The following CBR4 variants were observed in gnomAD, a reference collection of about 807,000 sequenced individuals.
CBR4 encodes 3-oxoacyl-[acyl-carrier-protein] reductase.
In CBR4, 22 loss-of-function variants were observed where a neutral mutation model predicts 21.0. The ratio of observed to expected loss-of-function variants is 1.05; its 90% CI spans 0.75 to 1.50. The LOEUF is 1.50. Ranked by LOEUF, CBR4 falls within the 40% of genes most tolerant of loss-of-function variation. The pLI is 0.00. For missense variants in CBR4, 302 were observed against 286.3 expected (o/e 1.05, Z -0.40); for synonymous variants, 100 against 104.4 (o/e 0.96, Z 0.26).
At chr4:168,940,211 T>C (rs773263115) in intron 2 of CBR4, among the ~76,000 whole-genome samples, 2 of 152,196 alleles carry the variant, frequency 1.3e-5, no homozygotes, top group African/African-American at 4.8e-5. Flanking sequence ...ATTTAATACA[T>C]GCTGCTGGGA....
intron 2 of CBR4, among the ~76,000 whole-genome samples, chr4:168,971,523 A>G (rs1053763717): frequency 6.8e-6 from 1 of 147,900 alleles, no homozygotes; most frequent in Non-Finnish European, 1.5e-5. Context: ...ACCTCAAGCG[A>G]TCCACCAGCC....
chr4:169,006,269 T>G (rs780265026), intron 3 of CBR4, among the ~76,000 whole-genome samples: 1 of 152,116 alleles, frequency 6.6e-6, no homozygotes, highest in Non-Finnish European at 1.5e-5. Context: ...ATCCCAGCAC[T>G]TCGGGAGGAT....
intron 2 of CBR4, among the ~76,000 whole-genome samples, chr4:168,970,571 T>C (rs912213518): frequency 2.6e-5 from 4 of 152,210 alleles, no homozygotes; most frequent in South Asian, 2.1e-4. Context: ...TTCTGAGATT[T>C]TGATGTATCC....
At chr4:168,997,953 CTA>C (rs1264477354) in intron 4 of CBR4, among the ~76,000 whole-genome samples, 3 of 152,134 alleles carry the variant, frequency 2.0e-5, no homozygotes, top group Non-Finnish European at 4.4e-5. Context: ...GAACAAATTT[CTA>C]TGTCTTAATA....
At chr4:168,976,726 G>A (rs1015217712) in intron 2 of CBR4, among the ~76,000 whole-genome samples, 24 of 152,210 alleles carry the variant, frequency 1.6e-4, no homozygotes, top group Non-Finnish European at 2.8e-4. Flanking sequence ...GGGGAATATC[G>A]CAAAGTATAT....
intron 2 of CBR4, among the ~76,000 whole-genome samples, chr4:168,901,261 G>A (rs1396124038): frequency 1.3e-5 from 2 of 152,002 alleles, no homozygotes; most frequent in East Asian, 3.8e-4. Context: ...GTTTTTTTAG[G>A]CTTATGTTTT....
At chr4:168,978,314 G>T (rs1224373191) in intron 2 of CBR4, among the ~76,000 whole-genome samples, 1 of 152,204 alleles carries the variant, frequency 6.6e-6, no homozygotes, top group African/African-American at 2.4e-5. Flanking sequence ...ATATTTGGGG[G>T]AGGGGAGTGG....
intron 2 of CBR4, among the ~76,000 whole-genome samples, chr4:168,959,561 C>CTTTCTT (rs1553990309): frequency 1.6e-4 from 8 of 50,878 alleles, no homozygotes; most frequent in African/African-American, 4.5e-4. Context: ...TTATCAATTT[C>CTTTCTT]TTTTTTTTTT....
In CBR4 at chr4:168,989,090, T is replaced by C; in HGVS notation, c.*1060A>G. On this transcript the variant is annotated 3_prime_UTR_variant, in exon 5 of 5. Coordinates refer to ENST00000306193, the MANE Select transcript of CBR4 (RefSeq NM_032783.5). The stretch of plus-strand genomic sequence containing the variant: ...AGACCAGTGCCTTCACTGCTTCTTG[T>C]AAAGACATTTAATTTAATGTTATTG... 1 of 983,702 alleles carries C rather than the reference T, an allele frequency of 1.0e-6. No individual in the cohort carries two copies. The highest frequency in any genetic ancestry group is 5.3e-4 in the Middle Eastern group (1 of 1,904). 60.9% of individuals were successfully genotyped at this position (983,702 alleles called of 1,614,324 possible). A position where few individuals can be genotyped will look rare whatever the true frequency, so the allele number is the denominator to read the frequency against.
chr4:168,995,454 G>A (rs923029306), intron 4 of CBR4, among the ~76,000 whole-genome samples: 8 of 152,144 alleles, frequency 5.3e-5, no homozygotes, highest in African/African-American at 1.9e-4. Flanking sequence ...GACAGGCAAG[G>A]AGACCTAAGC....
chr4:168,904,182 G>A, intron 2 of CBR4: 2 of 420,852 alleles, frequency 4.8e-6, no homozygotes, highest in Non-Finnish European at 4.4e-6. Context: ...GGGTTGCAGT[G>A]GTAGACTGGA....
chr4:168,929,494 TG>T (rs1247502282), intron 2 of CBR4, among the ~76,000 whole-genome samples: 6 of 152,248 alleles, frequency 3.9e-5, no homozygotes, highest in Non-Finnish European at 8.8e-5. Flanking sequence ...AATTTGTCCT[TG>T]ATTTTCCCTT....
intron 2 of CBR4, among the ~76,000 whole-genome samples, chr4:168,976,643 C>A (rs944169520): frequency 6.6e-6 from 1 of 151,696 alleles, no homozygotes; most frequent in Non-Finnish European, 1.5e-5. Flanking sequence ...TTTTTAAGGG[C>A]GGGGGAAGAT....
At chr4:168,896,208 C>CAAA (rs35567491) in intron 2 of CBR4, among the ~76,000 whole-genome samples, 13 of 132,168 alleles carry the variant, frequency 9.8e-5, no homozygotes, top group East Asian at 2.2e-4. Flanking sequence ...GACTCCATCT[C>CAAA]AAAAAAAAAA....
intron 2 of CBR4, among the ~76,000 whole-genome samples, chr4:168,972,879 G>A (rs1232753473): frequency 6.6e-6 from 1 of 152,112 alleles, no homozygotes; most frequent in Middle Eastern, 3.2e-3. Context: ...TACTTTAAAC[G>A]CTTCCCCATT....
intron 2 of CBR4, chr4:168,904,095 T>C (rs1757117461): frequency 1.6e-6 from 1 of 616,624 alleles, no homozygotes; most frequent in Non-Finnish European, 2.9e-6. Context: ...ACTTATTTAT[T>C]CCATCAGGTG....
At chr4:168,927,017 T>A (rs1203175348) in intron 2 of CBR4, 1 of 219,504 alleles carries the variant, frequency 4.6e-6, no homozygotes, top group Non-Finnish European at 9.2e-6. Flanking sequence ...TTTCTTTATG[T>A]GTAGTGTTTT....
At chr4:168,943,103 A>G (rs964332238) in intron 2 of CBR4, among the ~76,000 whole-genome samples, 1 of 152,226 alleles carries the variant, frequency 6.6e-6, no homozygotes, top group Non-Finnish European at 1.5e-5. Context: ...CGATTAAGCA[A>G]TCCTACCAGT....
At chr4:168,923,044 T>C (rs911810883) in intron 2 of CBR4, among the ~76,000 whole-genome samples, 5 of 152,232 alleles carry the variant, frequency 3.3e-5, no homozygotes, top group Non-Finnish European at 7.3e-5. Context: ...ATCATAAAAA[T>C]GTGTATGAAG....
Sources: allele counts gnomAD v4.1 joint callset (sites outside exome capture counted in the v4.1 genomes callset), GRCh38; gene constraint gnomAD v4.1.1; transcripts MANE v1.5; gene names NCBI Gene and HGNC (gene_info 2026-07-23, HGNC 2026-07-21).